LRRC7: variants seen among roughly 807,000 people sequenced by gnomAD.
The protein encoded by LRRC7 is leucine-rich repeat-containing protein 7.
In LRRC7, 23 loss-of-function variants were observed where a neutral mutation model predicts 175.7. The ratio of observed to expected loss-of-function variants is 0.13; its 90% CI spans 0.09 to 0.19. The LOEUF (loss-of-function observed/expected upper bound fraction) is 0.19. LRRC7 is among the 10% of genes least tolerant of loss of function. The pLI is 1.00. For missense variants in LRRC7, 1,354 were observed against 1,904.7 expected, an observed-to-expected ratio of 0.71 and a Z score of 5.38; for synonymous variants, 685 against 680.9, an observed-to-expected ratio of 1.01 and a Z score of -0.09.
intron 1 of LRRC7, among the ~76,000 whole-genome samples, chr1:69,617,747 C>T (rs1649901469): frequency 6.6e-6 from 1 of 151,870 alleles, no homozygotes; most frequent in South Asian, 2.1e-4. Flanking sequence ...TCTTCCCACA[C>T]ATAGGGTGTA....
intron 7 of LRRC7, chr1:69,919,435 C>G: frequency 1.1e-6 from 1 of 942,264 alleles, no homozygotes; most frequent in Non-Finnish European, 1.7e-6. Flanking sequence ...CTACTTCAAC[C>G]ACATCACTAA....
chr1:69,902,362 G>A (rs906125702), intron 7 of LRRC7, among the ~76,000 whole-genome samples: 2 of 152,158 alleles, frequency 1.3e-5, no homozygotes, highest in Non-Finnish European at 2.9e-5. Flanking sequence ...TTGATTCCAG[G>A]AGTTTGAGAC....
At chr1:69,667,491 C>A (rs1335929313) in intron 1 of LRRC7, among the ~76,000 whole-genome samples, 1 of 152,114 alleles carries the variant, frequency 6.6e-6, no homozygotes, top group Non-Finnish European at 1.5e-5. Flanking sequence ...TGCTCCTGTA[C>A]TGGATGCGTA....
Position 69,931,605 on chromosome 1 carries a change from C to G in LRRC7, c.711+35C>G, listed in dbSNP as rs376635233. ...TGCATTTTCTAAACCTGATAAATACCCTTCAGGAGATTCTTTCTTTTGCTC... is the reference window on the plus strand; with the variant it reads ...TGCATTTTCTAAACCTGATAAATACGCTTCAGGAGATTCTTTCTTTTGCTC... On this transcript the variant is annotated intron_variant, in intron 8 of 26. Coordinates refer to ENST00000651989, the MANE Select transcript of LRRC7 (RefSeq NM_001370785.2). 33 of 1,501,496 alleles carry G rather than the reference C, an allele frequency of 2.2e-5. No homozygotes were observed. In the African/African-American group the frequency reaches 3.7e-4, roughly 17 times the overall value. The allele number at this position is 1,501,496 out of a possible 1,614,324, so 93.0% of individuals were successfully genotyped here.
At chr1:69,924,744 A>T (rs1647006707) in intron 7 of LRRC7, among the ~76,000 whole-genome samples, 1 of 152,226 alleles carries the variant, frequency 6.6e-6, no homozygotes, top group Admixed American at 6.5e-5. Context: ...GTCATCTGCA[A>T]ACAGGGACAA....
At chr1:69,919,715 G>C (rs750775784) in intron 7 of LRRC7, 38 of 1,013,082 alleles carry the variant, frequency 3.8e-5, no homozygotes, top group Non-Finnish European at 5.4e-5. Flanking sequence ...GGGAGACCTG[G>C]GTGCCTTCAG....
chr1:70,017,609 A>T (rs1302145681), intron 14 of LRRC7, among the ~76,000 whole-genome samples: 3 of 152,202 alleles, frequency 2.0e-5, no homozygotes, highest in African/African-American at 7.2e-5. Flanking sequence ...GCATAAAAGT[A>T]GCATTACTGG....
chr1:69,944,693 A>C (rs1385597473), intron 8 of LRRC7, among the ~76,000 whole-genome samples: 1 of 151,394 alleles, frequency 6.6e-6, no homozygotes, highest in South Asian at 2.1e-4. Context: ...TTTTTTCTTG[A>C]TAATGTTCGT....
At chr1:70,026,972 C>T (rs1353349491) in intron 17 of LRRC7, among the ~76,000 whole-genome samples, 6 of 152,108 alleles carry the variant, frequency 3.9e-5, no homozygotes, top group Admixed American at 2.6e-4. Flanking sequence ...ATATCACCAT[C>T]ATAGTTTCTT....
chr1:69,827,694 C>G (rs1015699901), intron 5 of LRRC7, among the ~76,000 whole-genome samples: 1 of 151,804 alleles, frequency 6.6e-6, no homozygotes, highest in Admixed American at 6.6e-5. Context: ...AAAAAATTGG[C>G]CTGGTGTGGT....
intron 7 of LRRC7, among the ~76,000 whole-genome samples, chr1:69,922,805 A>C (rs1646932449): frequency 6.6e-6 from 1 of 151,448 alleles, no homozygotes; most frequent in Non-Finnish European, 1.5e-5. Flanking sequence ...AATTTTTTTA[A>C]TTTTTTTATT....
chr1:69,905,187 T>C (rs1646259123), intron 7 of LRRC7, among the ~76,000 whole-genome samples: 1 of 152,148 alleles, frequency 6.6e-6, no homozygotes, highest in Admixed American at 6.6e-5. Flanking sequence ...GTAATTTATA[T>C]TCCTTTGGGT....
chr1:70,088,585 T>C, intron 24 of LRRC7, among the ~76,000 whole-genome samples: 1 of 152,054 alleles, frequency 6.6e-6, no homozygotes, highest in South Asian at 2.1e-4. Context: ...TAATAAAAAA[T>C]AAAGTTACAA....
At chr1:69,903,246 A>C (rs1312583628) in intron 7 of LRRC7, among the ~76,000 whole-genome samples, 6 of 152,328 alleles carry the variant, frequency 3.9e-5, no homozygotes, top group East Asian at 1.9e-4. Flanking sequence ...CACAGAAGGC[A>C]GGTGATTTCT....
chr1:69,835,889 T>G (rs533992121), intron 6 of LRRC7, among the ~76,000 whole-genome samples: 73 of 152,034 alleles, frequency 4.8e-4, no homozygotes, highest in Non-Finnish European at 1.0e-3. Flanking sequence ...AATATGACTC[T>G]GTAAGAAATA....
intron 7 of LRRC7, among the ~76,000 whole-genome samples, chr1:69,839,475 G>T (rs1339096708): frequency 2.6e-5 from 4 of 152,060 alleles, no homozygotes; most frequent in Non-Finnish European, 2.9e-5. Context: ...CCCCTCCCAG[G>T]TTGGGGGCAT....
At chr1:69,568,910 G>A (rs953610363) in intron 1 of LRRC7, among the ~76,000 whole-genome samples, 1 of 152,220 alleles carries the variant, frequency 6.6e-6, no homozygotes, top group African/African-American at 2.4e-5. Context: ...ACCTTAAAGG[G>A]TTACATACTG....
chr1:70,058,248 G>A (rs1661302621), intron 23 of LRRC7, among the ~76,000 whole-genome samples: 1 of 152,144 alleles, frequency 6.6e-6, no homozygotes, highest in African/African-American at 2.4e-5. Context: ...GACCTCAAGT[G>A]ATCTGCCCAC....
intron 7 of LRRC7, among the ~76,000 whole-genome samples, chr1:69,876,653 A>G (rs958968289): frequency 2.0e-5 from 3 of 152,204 alleles, no homozygotes; most frequent in African/African-American, 4.8e-5. Flanking sequence ...TGTATTTTAC[A>G]TATAGATAGA....
Sources: gnomAD v4.1 joint callset for allele counts (sites outside exome capture counted in the v4.1 genomes callset) on GRCh38, gnomAD v4.1.1 for gene constraint, MANE v1.5 for transcripts, NCBI Gene and HGNC (gene_info 2026-07-23, HGNC 2026-07-21) for gene names.